Variants in RFT1 observed in about 807,000 individuals in gnomAD.
The protein encoded by RFT1 is man(5)GlcNAc(2)-PP-dolichol translocation protein RFT1.
RFT1 carries 43 observed loss-of-function variants against 62.2 expected under a neutral mutation model. The observed-to-expected ratio is 0.69, with a 90% CI of 0.54 to 0.89. The LOEUF (loss-of-function observed/expected upper bound fraction) is 0.89, where lower values mean the gene tolerates loss of function less well. Among genes scored for constraint, RFT1 ranks in the 40% least tolerant of loss-of-function variants. The pLI is 0.00. For synonymous variants in RFT1, 262 were observed against 264.6 expected (o/e 0.99, Z 0.10); for missense variants, 605 against 649.9 (o/e 0.93, Z 0.75).
intron 4 of RFT1, 68 bp from the exon 5 acceptor site, chr3:53,121,868 G>T: frequency 7.5e-7 from 1 of 1,337,094 alleles, no homozygotes; most frequent in Non-Finnish European, 1.0e-6. Flanking sequence ...TGGAATGATA[G>T]ACAGAAAATC....
chr3:53,110,613 G>A (rs1482394591), intron 7 of RFT1, among the ~76,000 whole-genome samples: 5 of 152,172 alleles, frequency 3.3e-5, no homozygotes, highest in African/African-American at 1.2e-4. Context: ...GGCATAGGGG[G>A]AGTTGCTTTC....
At chr3:53,116,831 T>G (rs1351242252) in intron 6 of RFT1, among the ~76,000 whole-genome samples, 1 of 151,560 alleles carries the variant, frequency 6.6e-6, no homozygotes, top group African/African-American at 2.4e-5. Context: ...TTCCAACTCC[T>G]GACCTCAAGT....
intron 7 of RFT1, among the ~76,000 whole-genome samples, chr3:53,108,413 A>C: frequency 7.4e-6 from 1 of 135,898 alleles, no homozygotes; most frequent in African/African-American, 2.8e-5. Flanking sequence ...TTTTTGAGAC[A>C]TAGTCTTGAT....
At chr3:53,126,641 G>A (rs925687552) in intron 1 of RFT1, among the ~76,000 whole-genome samples, 4 of 152,166 alleles carry the variant, frequency 2.6e-5, no homozygotes, top group African/African-American at 9.7e-5. Flanking sequence ...TGTAACATGG[G>A]GGGAAGGGAG....
At chr3:53,083,314 C>T in the RFT1 span, among the ~76,000 whole-genome samples, 8 of 148,706 alleles carry the variant, frequency 5.4e-5, no homozygotes, top group Non-Finnish European at 8.9e-5. Flanking sequence ...GAGTGTAAGA[C>T]CAGTCTGGGC....
chr3:53,075,477 G>A, the RFT1 span, among the ~76,000 whole-genome samples: 1 of 152,208 alleles, frequency 6.6e-6, no homozygotes, highest in Non-Finnish European at 1.5e-5. Context: ...GGAACACATG[G>A]ATGACATTCT....
rs752638667 is a variant in RFT1 at position 53,125,999 on chromosome 3, A to G, written c.64-5T>C. 6.2e-7 allele frequency: 1 copy of G among 1,607,962 alleles called. No individual in the cohort carries two copies. Among genetic ancestry groups the G allele is most frequent in the Non-Finnish European group, 8.5e-7 (1 of 1,175,006 alleles). Reference sequence around the variant, plus strand: ...GGTGATCAACCGAAACAACACCTATAGAAAAAGAGGAAAAATACGTAAGAA... The same window carrying G: ...GGTGATCAACCGAAACAACACCTATGGAAAAAGAGGAAAAATACGTAAGAA... On this transcript the variant is annotated splice_polypyrimidine_tract_variant and splice_region_variant and intron_variant, in intron 1 of 12. Coordinates refer to ENST00000296292, the MANE Select transcript of RFT1 (RefSeq NM_052859.4).
intron 7 of RFT1, among the ~76,000 whole-genome samples, chr3:53,109,765 G>A (rs2107129408): frequency 6.6e-6 from 1 of 152,254 alleles, no homozygotes; most frequent in African/African-American, 2.4e-5. Context: ...GCAGTGAGCT[G>A]TGTTTGCACC....
rs545042851 is a variant in RFT1 at position 53,101,431 on chromosome 3, G to A, written c.1103-1945C>T. ...GTAACTGAACGCTAATGGCACAGGA[G>A]GGCCCATCAGTAGGTGAACAGTGGG... On this transcript the variant is annotated intron_variant, in intron 10 of 12. Transcript: ENST00000296292. Among the ~76,000 whole-genome samples, 3 of 152,294 alleles carry A rather than the reference G, an allele frequency of 2.0e-5. No homozygotes were observed. The South Asian group carries it at 6.2e-4, about 32-fold the overall frequency.
chr3:53,080,513 T>C, the RFT1 span, among the ~76,000 whole-genome samples: 1 of 152,348 alleles, frequency 6.6e-6, no homozygotes, highest in African/African-American at 2.4e-5. Flanking sequence ...TTTTAAAAGA[T>C]GCTCCACCAC....
At chr3:53,129,314 T>C (rs1326472115) in intron 1 of RFT1, among the ~76,000 whole-genome samples, 1 of 152,222 alleles carries the variant, frequency 6.6e-6, no homozygotes, top group Non-Finnish European at 1.5e-5. Flanking sequence ...AGAGGCATGA[T>C]TTCATCTAAT....
intron 2 of RFT1, among the ~76,000 whole-genome samples, chr3:53,125,106 T>TG (rs1385876863): frequency 1.7e-4 from 26 of 152,368 alleles, no homozygotes; most frequent in Admixed American, 3.3e-4. Context: ...CAGCACTATG[T>TG]AGTGCAAAAC....
chr3:53,110,596 A>G (rs914926874), intron 7 of RFT1, among the ~76,000 whole-genome samples: 2 of 152,222 alleles, frequency 1.3e-5, no homozygotes, highest in Admixed American at 6.5e-5. Flanking sequence ...ACAGATGGGG[A>G]AAGCGAGGCA....
rs747610673 is a variant in RFT1, at chr3:53,091,931, A to G, written c.1598T>C (p.Val533Ala). The G allele has an allele frequency of 3.7e-6, 6 of 1,614,112 alleles. No homozygotes were observed. In the African/African-American group the frequency reaches 6.7e-5, roughly 18 times the overall value. ...LIHFLRTQLGVPRRTDKMT is the reference protein window; with the variant it reads ...LIHFLRTQLGAPRRTDKMT ...TGTCATTTTGTCAGTGCGTCTGGGCACACCTAACTGAGTCCTGAGGAAATG... is the reference window on the plus strand; with the variant it reads ...TGTCATTTTGTCAGTGCGTCTGGGCGCACCTAACTGAGTCCTGAGGAAATG... The change falls in exon 13 of 13, where the codon GTG becomes GCG. Residue 533 changes from valine (V) to alanine (A), a missense_variant. Val to Ala is a moderately conservative substitution (Grantham distance 64). Coordinates refer to ENST00000296292, the MANE Select transcript of RFT1 (RefSeq NM_052859.4).
chr3:53,076,654 T>C, the RFT1 span, among the ~76,000 whole-genome samples: 1 of 152,096 alleles, frequency 6.6e-6, no homozygotes, highest in Admixed American at 6.6e-5. Flanking sequence ...AGGAAATCAA[T>C]GTTCTAAAGG....
chr3:53,101,020 A>G (rs995719217), intron 10 of RFT1, among the ~76,000 whole-genome samples: 3 of 152,194 alleles, frequency 2.0e-5, no homozygotes, highest in Non-Finnish European at 4.4e-5. Flanking sequence ...GAAGTTCCGG[A>G]GTCTCAGAAT....
rs1454381738 is a variant in RFT1, at chr3:53,096,498, A to G, written c.1208+2883T>C. Among the ~76,000 whole-genome samples, 3 of 152,062 alleles carry G rather than the reference A, an allele frequency of 2.0e-5. 1 individual carries two copies. The highest frequency in any genetic ancestry group is 4.2e-4 in the South Asian group (2 of 4,816). On this transcript the variant is annotated intron_variant, in intron 11 of 12. Coordinates refer to ENST00000296292, the MANE Select transcript of RFT1 (RefSeq NM_052859.4). ...GGAGTTCGAGACCAGCCTGGCCAAC[A>G]TGGTGAAACCCTGTCTCTACTAAAA...
chr3:53,122,017 AT>A (rs1329858561), intron 4 of RFT1, among the ~76,000 whole-genome samples: 55 of 152,324 alleles, frequency 3.6e-4, no homozygotes, highest in African/African-American at 1.3e-3. Context: ...TTAAATATAT[AT>A]TCTTTTGTAA....
the RFT1 span, among the ~76,000 whole-genome samples, chr3:53,076,398 A>G: frequency 2.5e-4 from 38 of 152,232 alleles, no homozygotes; most frequent in African/African-American, 8.0e-4. Flanking sequence ...GATTTGTATG[A>G]TTTTGTAGGG....
Sources: allele counts gnomAD v4.1 joint callset (sites outside exome capture counted in the v4.1 genomes callset), GRCh38; gene constraint gnomAD v4.1.1; transcripts MANE v1.5; gene names NCBI Gene and HGNC (gene_info 2026-07-23, HGNC 2026-07-21).